GALNT13: variants seen among roughly 807,000 people sequenced by gnomAD.
GALNT13 encodes the protein UDP-GalNAc:polypeptide N-acetylgalactosaminyltransferase 13.
GALNT13 carries 28 observed loss-of-function variants against 64.2 expected under a neutral mutation model. The observed-to-expected ratio is 0.44, with a 90% CI of 0.32 to 0.60. GALNT13 has a LOEUF of 0.60. Ranked by LOEUF, GALNT13 falls within the 20% of genes least tolerant of loss-of-function variation. The pLI, the probability that GALNT13 is intolerant of heterozygous loss-of-function variation, is 0.05. For missense variants in GALNT13, 577 were observed against 669.8 expected (o/e 0.86, Z 1.53); for synonymous variants, 214 against 224.6 (o/e 0.95, Z 0.42).
intron 4 of GALNT13, among the ~76,000 whole-genome samples, chr2:154,177,621 T>C (rs1273882523): frequency 1.3e-5 from 2 of 152,118 alleles, no homozygotes; most frequent in African/African-American, 2.4e-5. Context: ...AGTAGCGCAT[T>C]AATGCAAGAT....
chr2:153,561,008 T>C, the GALNT13 span, among the ~76,000 whole-genome samples: 1 of 152,010 alleles, frequency 6.6e-6, no homozygotes, highest in East Asian at 1.9e-4. Flanking sequence ...TCCTTATATC[T>C]CTTATTGTAG....
chr2:153,382,118 C>T, the GALNT13 span, among the ~76,000 whole-genome samples: 2 of 152,196 alleles, frequency 1.3e-5, no homozygotes, highest in East Asian at 3.9e-4. Context: ...AGAATTAGAT[C>T]TGCTAAGGAT....
chr2:153,270,158 T>A, the GALNT13 span, among the ~76,000 whole-genome samples: 1 of 152,232 alleles, frequency 6.6e-6, no homozygotes, highest in Non-Finnish European at 1.5e-5. Flanking sequence ...CTGATGCAGG[T>A]AAACTGTAGT....
intron 4 of GALNT13, among the ~76,000 whole-genome samples, chr2:154,168,002 G>C (rs975833910): frequency 6.6e-6 from 1 of 152,182 alleles, no homozygotes; most frequent in Non-Finnish European, 1.5e-5. Context: ...AGCCAAGTCA[G>C]GTGGGGAGGG....
chr2:153,812,696 TC>T, the GALNT13 span, among the ~76,000 whole-genome samples: 1 of 152,344 alleles, frequency 6.6e-6, no homozygotes, highest in Middle Eastern at 3.4e-3. Flanking sequence ...TTTAATATTT[TC>T]CCCTCTTTCC....
the GALNT13 span, among the ~76,000 whole-genome samples, chr2:153,800,702 A>G: frequency 2.2e-3 from 332 of 152,278 alleles, no homozygotes; most frequent in African/African-American, 7.6e-3. Flanking sequence ...TTCTTTGCTT[A>G]TCCAAAAGAA....
the GALNT13 span, among the ~76,000 whole-genome samples, chr2:153,818,449 C>T: frequency 1.3e-5 from 2 of 152,162 alleles, no homozygotes; most frequent in African/African-American, 2.4e-5. Flanking sequence ...GTCTGAACAC[C>T]GGGGACAGTT....
chr2:154,203,046 T>A (rs1315588215), intron 4 of GALNT13, among the ~76,000 whole-genome samples: 1 of 152,104 alleles, frequency 6.6e-6, no homozygotes, highest in East Asian at 1.9e-4. Flanking sequence ...CTTTTGAAAG[T>A]TCCAGTCTGT....
the GALNT13 span, among the ~76,000 whole-genome samples, chr2:153,524,343 G>A: frequency 7.5e-5 from 11 of 146,660 alleles, no homozygotes; most frequent in African/African-American, 2.8e-4. Flanking sequence ...TTTTTTGGTG[G>A]AGCAAGATGG....
At chr2:153,217,012 CTT>C in the GALNT13 span, among the ~76,000 whole-genome samples, 1 of 151,854 alleles carries the variant, frequency 6.6e-6, no homozygotes, top group African/African-American at 2.4e-5. Context: ...TTTTTCCTCT[CTT>C]TTTTGTGCAT....
chr2:154,364,523 T>G (rs1008277752), intron 9 of GALNT13, among the ~76,000 whole-genome samples: 1 of 152,232 alleles, frequency 6.6e-6, no homozygotes, highest in African/African-American at 2.4e-5. Context: ...TTTCTAAGGA[T>G]ATCAGTGAAA....
At chr2:154,257,918 C>T (rs1690468248) in intron 7 of GALNT13, among the ~76,000 whole-genome samples, 4 of 152,112 alleles carry the variant, frequency 2.6e-5, no homozygotes, top group Admixed American at 1.3e-4. Context: ...TCACCCTTGG[C>T]AGTACATTAG....
intron 3 of GALNT13, among the ~76,000 whole-genome samples, chr2:154,114,047 C>T (rs776789714): frequency 3.9e-5 from 6 of 152,212 alleles, no homozygotes; most frequent in Admixed American, 6.5e-5. Context: ...CTGTCTTCTG[C>T]ACAGGCCAAA....
At chr2:153,348,348 A>G in the GALNT13 span, among the ~76,000 whole-genome samples, 1 of 152,132 alleles carries the variant, frequency 6.6e-6, no homozygotes, top group Non-Finnish European at 1.5e-5. Flanking sequence ...ACAAAGGGAG[A>G]TGCAGGGAAG....
intron 4 of GALNT13, among the ~76,000 whole-genome samples, chr2:154,173,382 AT>A (rs919920663): frequency 3.3e-5 from 5 of 151,324 alleles, no homozygotes; most frequent in African/African-American, 1.2e-4. Context: ...TTTAAATTAA[AT>A]TAAATTAAAT....
chr2:154,145,094 A>G (rs1558984527), intron 4 of GALNT13, among the ~76,000 whole-genome samples: 2 of 124,702 alleles, frequency 1.6e-5, no homozygotes, highest in South Asian at 2.6e-4. Context: ...CTATCTATCT[A>G]TCTATCTATA....
At chr2:153,353,981 T>G in the GALNT13 span, among the ~76,000 whole-genome samples, 1 of 152,158 alleles carries the variant, frequency 6.6e-6, no homozygotes, top group Non-Finnish European at 1.5e-5. Context: ...TTGGTGTCAT[T>G]TATTTCTTAC....
At chr2:153,158,756 C>G in the GALNT13 span, among the ~76,000 whole-genome samples, 10 of 152,306 alleles carry the variant, frequency 6.6e-5, no homozygotes, top group East Asian at 1.3e-3. Flanking sequence ...GAACTATCTA[C>G]AAACAGGCCA....
At chr2:153,856,271 T>G in the GALNT13 span, among the ~76,000 whole-genome samples, 190 of 152,228 alleles carry the variant, frequency 1.2e-3, no homozygotes, top group African/African-American at 4.4e-3. Flanking sequence ...GAAATACAGA[T>G]GACTGGTAGG....
Sources: allele counts gnomAD v4.1 joint callset (sites outside exome capture counted in the v4.1 genomes callset), GRCh38; gene constraint gnomAD v4.1.1; transcripts MANE v1.5; gene names NCBI Gene and HGNC (gene_info 2026-07-23, HGNC 2026-07-21).